Variants in CHRM3 observed in about 807,000 individuals in gnomAD.
CHRM3 encodes muscarinic acetylcholine receptor M3.
CHRM3 carries 11 observed loss-of-function variants against 41.8 expected under a neutral mutation model. That is an observed-to-expected ratio of 0.26 (90% CI 0.17 to 0.44). CHRM3 has a LOEUF of 0.44. CHRM3 is among the 20% of genes least tolerant of loss of function. CHRM3 has a pLI of 1.00. For synonymous variants in CHRM3, 297 were observed against 301.4 expected (o/e 0.99, Z 0.15); for missense variants, 571 against 745.4 (o/e 0.77, Z 2.72).
intron 1 of CHRM3, among the ~76,000 whole-genome samples, chr1:239,397,362 A>T (rs1659573891): frequency 6.6e-6 from 1 of 152,200 alleles, no homozygotes; most frequent in South Asian, 2.1e-4. Flanking sequence ...ATGAATATAA[A>T]TTTGAAATAA....
At chr1:239,760,297 C>T (rs1232836209) in intron 5 of CHRM3, among the ~76,000 whole-genome samples, 1 of 152,034 alleles carries the variant, frequency 6.6e-6, no homozygotes, top group Non-Finnish European at 1.5e-5. Context: ...GTTCTCCACT[C>T]TTGATTTAGA....
At chr1:239,665,889 T>C (rs1170870142) in intron 4 of CHRM3, among the ~76,000 whole-genome samples, 1 of 152,234 alleles carries the variant, frequency 6.6e-6, no homozygotes, top group African/African-American at 2.4e-5. Flanking sequence ...GGTGTATATG[T>C]GCCACATTTT....
intron 4 of CHRM3, among the ~76,000 whole-genome samples, chr1:239,669,595 G>A (rs1674160989): frequency 6.6e-6 from 1 of 152,002 alleles, no homozygotes; most frequent in Admixed American, 6.6e-5. Flanking sequence ...AAGCTGAAAG[G>A]GACTGTTGAC....
intron 3 of CHRM3, among the ~76,000 whole-genome samples, chr1:239,622,888 G>A (rs567399434): frequency 6.6e-6 from 1 of 152,262 alleles, no homozygotes. Context: ...AGGATGTGAT[G>A]TATAGCATCA....
intron 2 of CHRM3, among the ~76,000 whole-genome samples, chr1:239,493,533 T>G (rs1299728791): frequency 6.6e-6 from 1 of 152,212 alleles, no homozygotes; most frequent in Non-Finnish European, 1.5e-5. Context: ...TCTTGAAAAC[T>G]TTTTAAAAAT....
chr1:239,535,563 T>C (rs1276721115), intron 2 of CHRM3, among the ~76,000 whole-genome samples: 1 of 151,332 alleles, frequency 6.6e-6, no homozygotes, highest in Non-Finnish European at 1.5e-5. Flanking sequence ...TTCTGCCCTA[T>C]GAAAATACTC....
intron 6 of CHRM3, among the ~76,000 whole-genome samples, chr1:239,873,841 A>C (rs1676803255): frequency 6.6e-6 from 1 of 152,076 alleles, no homozygotes; most frequent in South Asian, 2.1e-4. Flanking sequence ...TTTGGGATCC[A>C]AGAACTGGTT....
chr1:239,603,999 T>C (rs988088584), intron 3 of CHRM3, among the ~76,000 whole-genome samples: 45 of 152,296 alleles, frequency 3.0e-4, no homozygotes, highest in African/African-American at 9.9e-4. Flanking sequence ...AAACATGAAA[T>C]GCTCAGTAAT....
At chr1:239,516,937 C>T (rs1300345554) in intron 2 of CHRM3, among the ~76,000 whole-genome samples, 3 of 152,088 alleles carry the variant, frequency 2.0e-5, no homozygotes, top group Non-Finnish European at 4.4e-5. Context: ...GGTGATCTGT[C>T]ACTGTCTCTC....
intron 3 of CHRM3, among the ~76,000 whole-genome samples, chr1:239,600,500 A>G (rs1449525898): frequency 6.6e-6 from 1 of 152,082 alleles, no homozygotes; most frequent in African/African-American, 2.4e-5. Context: ...GTTCCCAATG[A>G]GTGGCTTTTC....
At chr1:239,776,330 A>T (rs1286705306) in intron 5 of CHRM3, among the ~76,000 whole-genome samples, 1 of 152,232 alleles carries the variant, frequency 6.6e-6, no homozygotes, top group Admixed American at 6.5e-5. Context: ...TGAGTTAATG[A>T]TTGCAAAATC....
At chr1:239,530,875 CA>C in intron 2 of CHRM3, among the ~76,000 whole-genome samples, 1 of 152,028 alleles carries the variant, frequency 6.6e-6, no homozygotes, top group East Asian at 1.9e-4. Flanking sequence ...ATGAGAGTTC[CA>C]AAAGAAAAAG....
chr1:239,688,180 T>TATACAC (rs138626635), intron 5 of CHRM3, among the ~76,000 whole-genome samples: 1 of 150,032 alleles, frequency 6.7e-6, no homozygotes, highest in East Asian at 1.9e-4. Flanking sequence ...ATATATATAA[T>TATACAC]ATACACATAC....
intron 1 of CHRM3, among the ~76,000 whole-genome samples, chr1:239,413,386 T>A (rs188846765): frequency 1.3e-5 from 2 of 152,232 alleles, no homozygotes; most frequent in African/African-American, 4.8e-5. Flanking sequence ...GCCTCCCGGA[T>A]TCATGAGATT....
chr1:239,839,130 A>C (rs1171438901), intron 6 of CHRM3, among the ~76,000 whole-genome samples: 1 of 152,210 alleles, frequency 6.6e-6, no homozygotes, highest in Admixed American at 6.5e-5. Flanking sequence ...ATGACTCCAT[A>C]AGATAGACAA....
intron 3 of CHRM3, among the ~76,000 whole-genome samples, chr1:239,622,974 A>C (rs1195399937): frequency 6.6e-6 from 1 of 152,070 alleles, no homozygotes; most frequent in Non-Finnish European, 1.5e-5. Flanking sequence ...ATTTGAAAAA[A>C]TTGCCACAGC....
intron 6 of CHRM3, among the ~76,000 whole-genome samples, chr1:239,828,042 A>G (rs892300747): frequency 3.9e-5 from 6 of 152,202 alleles, no homozygotes; most frequent in African/African-American, 1.4e-4. Context: ...TTAAACACCT[A>G]CTACGTTCTA....
intron 5 of CHRM3, among the ~76,000 whole-genome samples, chr1:239,765,842 G>A (rs1667159625): frequency 6.8e-6 from 1 of 147,862 alleles, no homozygotes. Context: ...TTGAGATGGA[G>A]TTTCGCTCTT....
intron 5 of CHRM3, among the ~76,000 whole-genome samples, chr1:239,769,517 G>A (rs919160077): frequency 1.3e-5 from 2 of 152,192 alleles, no homozygotes; most frequent in African/African-American, 4.8e-5. Context: ...CAAAAGAGTC[G>A]TGACATTTTG....
Sources: gnomAD v4.1 joint callset for allele counts (sites outside exome capture counted in the v4.1 genomes callset) on GRCh38, gnomAD v4.1.1 for gene constraint, MANE v1.5 for transcripts, NCBI Gene and HGNC (gene_info 2026-07-23, HGNC 2026-07-21) for gene names.